Variants in CCDC7 observed in about 807,000 individuals in gnomAD.
The protein encoded by CCDC7 is coiled-coil domain containing 7.
Under a neutral mutation model 196.9 loss-of-function variants are expected in CCDC7, and 183 were observed. That is an observed-to-expected ratio of 0.93 (90% CI 0.82 to 1.05). CCDC7 has a LOEUF of 1.05. CCDC7 is among the 50% of genes least tolerant of loss of function. The probability of loss-of-function intolerance (pLI) is 0.00; values close to 1 mark genes in which losing one functional copy is unlikely to be tolerated. For synonymous variants in CCDC7, 525 were observed against 484.6 expected (o/e 1.08, Z -1.10); for missense variants, 1,540 against 1,482.2 (o/e 1.04, Z -0.64).
intron 20 of CCDC7, among the ~76,000 whole-genome samples, chr10:32,644,609 A>G (rs1591393): frequency 0.34 from 52,394 of 152,102 alleles, 11,436 homozygotes; most frequent in Non-Finnish European, 0.49. Flanking sequence ...TATAATTTCC[A>G]CATGTTGTGG....
In CCDC7 at chr10:32,459,274, C is replaced by A. The variant is rs915731368; in HGVS notation, c.456+2940C>A. On this transcript the variant is annotated intron_variant, in intron 3 of 41. Transcript: ENST00000639629. ...GGCCCTCCACTTAGTTGCTTTTCTT[C>A]CCTAGGAGAGTTCTGAGTTAGGTGA... 9.9e-5 allele frequency among the ~76,000 whole-genome samples: 15 copies of A among 152,028 alleles called. 1 individual carries two copies. The highest frequency in any genetic ancestry group is 3.6e-4 in the African/African-American group (15 of 41,400).
chr10:32,614,926 G>A (rs2062610824), intron 18 of CCDC7, among the ~76,000 whole-genome samples: 1 of 152,100 alleles, frequency 6.6e-6, no homozygotes, highest in South Asian at 2.1e-4. Flanking sequence ...ATTTCACTTA[G>A]TATAATGGCC....
rs1362538610 is a variant in CCDC7 at position 32,726,833 on chromosome 10, G to A, written c.2668+1G>A. 9 of 1,515,446 alleles carry A rather than the reference G, an allele frequency of 5.9e-6. No individual in the cohort carries two copies. Among genetic ancestry groups the A allele is most frequent in the African/African-American group, 1.4e-5 (1 of 71,768 alleles). The allele number at this position is 1,515,446 out of a possible 1,614,324, so 93.9% of individuals were successfully genotyped here. Reference sequence around the variant, plus strand: ...ACTCCTGGAAGGGAAAGGCGTAATAGTAAGTGTAGTAATTATAGATGACTT... The same window carrying A: ...ACTCCTGGAAGGGAAAGGCGTAATAATAAGTGTAGTAATTATAGATGACTT... On this transcript the variant is annotated splice_donor_variant, in intron 26 of 41. Transcript: ENST00000639629. LOFTEE classifies it high-confidence loss of function.
At chr10:32,799,282 C>G (rs2084282026) in intron 29 of CCDC7, among the ~76,000 whole-genome samples, 1 of 152,142 alleles carries the variant, frequency 6.6e-6, no homozygotes, top group Admixed American at 6.5e-5. Context: ...GAGAGGGCTC[C>G]ACTGTGATTC....
intron 28 of CCDC7, among the ~76,000 whole-genome samples, chr10:32,776,343 A>T (rs1247198337): frequency 6.6e-6 from 1 of 151,966 alleles, no homozygotes; most frequent in Admixed American, 6.6e-5. Flanking sequence ...AATATCTGTC[A>T]TGCATTTGTA....
At chr10:32,672,800 C>T (rs950920271) in intron 21 of CCDC7, among the ~76,000 whole-genome samples, 6 of 152,158 alleles carry the variant, frequency 3.9e-5, no homozygotes, top group Admixed American at 2.6e-4. Context: ...TTGTGCTCCA[C>T]TGTGTTGCTA....
At chr10:32,563,779 CA>C (rs2056239218) in intron 13 of CCDC7, among the ~76,000 whole-genome samples, 1 of 152,064 alleles carries the variant, frequency 6.6e-6, no homozygotes. Context: ...GCAATGGCAA[CA>C]AAAGCCAAAA....
chr10:32,828,546 G>GAAGAAGAAGAAT (rs2091727838), intron 32 of CCDC7, among the ~76,000 whole-genome samples: 1 of 147,392 alleles, frequency 6.8e-6, no homozygotes. Flanking sequence ...AGAAGAAGAA[G>GAAGAAGAAGAAT]AAGAAGAAGA....
rs575206325 is a variant in CCDC7, at chr10:32,656,135, C to G, written c.2015-7919C>G. Among the ~76,000 whole-genome samples the G allele has an allele frequency of 1.4e-3, 216 of 151,948 alleles. 1 individual carries two copies. Among genetic ancestry groups the G allele is most frequent in the African/African-American group, 4.9e-3 (205 of 41,418 alleles). ...AAGACCAATGTCAGGGAGATTTTTC[C>G]CTACGTTTTCTTCTAGTAGTTTTAT... is the stretch of plus-strand genomic sequence containing the variant. On this transcript the variant is annotated intron_variant, in intron 20 of 41. Transcript: ENST00000639629.
At chr10:32,836,409 C>G (rs527304292) in intron 33 of CCDC7, among the ~76,000 whole-genome samples, 1 of 152,124 alleles carries the variant, frequency 6.6e-6, no homozygotes, top group East Asian at 1.9e-4. Context: ...TCCAAAATAT[C>G]CAGTTTTTAT....
chr10:32,455,932 A>T (rs2034240452), intron 2 of CCDC7, among the ~76,000 whole-genome samples: 2 of 151,594 alleles, frequency 1.3e-5, no homozygotes, highest in South Asian at 4.2e-4. Context: ...ATTACCTTTT[A>T]TTGGGCCACC....
intron 20 of CCDC7, among the ~76,000 whole-genome samples, chr10:32,642,218 C>A (rs1171917870): frequency 6.6e-6 from 1 of 152,190 alleles, no homozygotes; most frequent in Non-Finnish European, 1.5e-5. Context: ...TTTCTGCTGC[C>A]TTTTGTTTGG....
intron 20 of CCDC7, among the ~76,000 whole-genome samples, chr10:32,663,827 A>G (rs1591308199): frequency 2.0e-5 from 3 of 152,004 alleles, no homozygotes. Context: ...AGAGGCTAAT[A>G]TAAATATTTG....
At chr10:32,642,723 A>G (rs2067063297) in intron 20 of CCDC7, among the ~76,000 whole-genome samples, 2 of 152,208 alleles carry the variant, frequency 1.3e-5, no homozygotes, top group Admixed American at 6.5e-5. Context: ...TTGGAAATGC[A>G]GAAATCATCC....
At chr10:32,708,195 A>T (rs994121698) in intron 24 of CCDC7, among the ~76,000 whole-genome samples, 1 of 152,210 alleles carries the variant, frequency 6.6e-6, no homozygotes, top group Admixed American at 6.5e-5. Flanking sequence ...GATCTTTGAC[A>T]AACCTGACAA....
At chr10:32,671,810 G>T (rs1591414921) in intron 21 of CCDC7, among the ~76,000 whole-genome samples, 1 of 152,120 alleles carries the variant, frequency 6.6e-6, no homozygotes, top group Non-Finnish European at 1.5e-5. Context: ...GAGATTGAGA[G>T]TTGTGTCACC....
intron 29 of CCDC7, among the ~76,000 whole-genome samples, chr10:32,803,540 T>C (rs2085230146): frequency 6.6e-6 from 1 of 152,174 alleles, no homozygotes; most frequent in Non-Finnish European, 1.5e-5. Flanking sequence ...TTGTCTGTTG[T>C]AAGTATAGCT....
At chr10:32,612,757 G>A (rs1402779673) in intron 18 of CCDC7, among the ~76,000 whole-genome samples, 1 of 152,046 alleles carries the variant, frequency 6.6e-6, no homozygotes, top group East Asian at 1.9e-4. Flanking sequence ...TGTGTCCCGG[G>A]GTGAAGCCGA....
chr10:32,744,630 G>A (rs927386812), intron 28 of CCDC7, among the ~76,000 whole-genome samples: 1 of 152,124 alleles, frequency 6.6e-6, no homozygotes, highest in Non-Finnish European at 1.5e-5. Context: ...TTGGTAAGAT[G>A]TCTGTTAAGG....
Sources: allele counts gnomAD v4.1 joint callset (sites outside exome capture counted in the v4.1 genomes callset), GRCh38; gene constraint gnomAD v4.1.1; transcripts MANE v1.5; gene names NCBI Gene and HGNC (gene_info 2026-07-23, HGNC 2026-07-21).